Variants in SEPTIN10 observed in about 807,000 individuals in gnomAD.
The protein encoded by SEPTIN10 is septin-10.
Under a neutral mutation model 54.8 loss-of-function variants are expected in SEPTIN10, and 66 were observed. The observed-to-expected ratio is 1.21, with a 90% CI of 0.99 to 1.48. The LOEUF is 1.48. Ranked by LOEUF, SEPTIN10 falls within the 40% of genes most tolerant of loss-of-function variation. SEPTIN10 has a pLI of 0.00. For synonymous variants in SEPTIN10, 161 were observed against 181.0 expected, an observed-to-expected ratio of 0.89 and a Z score of 0.89; for missense variants, 620 against 545.6, an observed-to-expected ratio of 1.14 and a Z score of -1.36.
rs764633806 is a variant in SEPTIN10, at chr2:109,574,722, A to G, written c.459T>C (p.Tyr153=). ...VDYIDAQFEA[Y]LQEELKIKRS... ...GCTTAATCTTCAGTTCTTCTTGGAG[A>G]TAGGCCTCAAACTGAGCATCTATGT... is the stretch of plus-strand genomic sequence containing the variant. The change falls in exon 5 of 11, where the codon TAT becomes TAC. Residue 153 remains tyrosine, a synonymous_variant. Transcript: ENST00000397712. The G allele has an allele frequency of 1.1e-5, 18 of 1,604,658 alleles. No individual in the cohort carries two copies. The highest frequency in any genetic ancestry group is 2.7e-5 in the African/African-American group (2 of 74,482).
chr2:109,554,766 A>G (rs1033913093), intron 8 of SEPTIN10, among the ~76,000 whole-genome samples: 11 of 152,212 alleles, frequency 7.2e-5, no homozygotes, highest in African/African-American at 2.7e-4. Context: ...TGTAACAGGT[A>G]CCAATATTTT....
intron 1 of SEPTIN10, among the ~76,000 whole-genome samples, chr2:109,611,779 G>A (rs1391212754): frequency 6.6e-6 from 1 of 152,108 alleles, no homozygotes; most frequent in Non-Finnish European, 1.5e-5. Context: ...AAATCACCAT[G>A]AGGTGTCACT....
At chr2:109,572,067 C>T (rs893900404) in intron 5 of SEPTIN10, among the ~76,000 whole-genome samples, 12 of 152,138 alleles carry the variant, frequency 7.9e-5, no homozygotes, top group African/African-American at 2.4e-4. Flanking sequence ...CTAAATGCTT[C>T]GTAATATTCA....
At chr2:109,608,820 C>T (rs2106327148) in intron 1 of SEPTIN10, among the ~76,000 whole-genome samples, 1 of 152,150 alleles carries the variant, frequency 6.6e-6, no homozygotes, top group Middle Eastern at 3.4e-3. Flanking sequence ...ATCAACCTTC[C>T]AGATATTATC....
At chr2:109,607,852 C>T (rs905305094) in intron 1 of SEPTIN10, among the ~76,000 whole-genome samples, 1 of 152,126 alleles carries the variant, frequency 6.6e-6, no homozygotes, top group African/African-American at 2.4e-5. Context: ...AGGAAAGTCA[C>T]CCACTGACTA....
intron 1 of SEPTIN10, among the ~76,000 whole-genome samples, chr2:109,599,221 G>A (rs187320512): frequency 6.6e-6 from 1 of 152,252 alleles, no homozygotes; most frequent in Non-Finnish European, 1.5e-5. Context: ...ACTCTGGGAG[G>A]CCAAGACCGG....
chr2:109,553,973 T>A (rs1214860397), intron 8 of SEPTIN10, among the ~76,000 whole-genome samples: 2 of 152,350 alleles, frequency 1.3e-5, no homozygotes, highest in East Asian at 3.9e-4. Flanking sequence ...AACCAATTTT[T>A]ACCATAGGGT....
At chr2:109,575,949 C>G (rs967780855) in intron 4 of SEPTIN10, among the ~76,000 whole-genome samples, 3 of 152,098 alleles carry the variant, frequency 2.0e-5, no homozygotes, top group Non-Finnish European at 4.4e-5. Flanking sequence ...TCTTATACAT[C>G]TGTATTTTCC....
At chr2:109,567,345 C>G (rs1457233289) in intron 6 of SEPTIN10, among the ~76,000 whole-genome samples, 1 of 152,214 alleles carries the variant, frequency 6.6e-6, no homozygotes, top group South Asian at 2.1e-4. Context: ...AGAACTTAGT[C>G]ACCTTCCATT....
chr2:109,573,326 T>C (rs1336131236), intron 5 of SEPTIN10, among the ~76,000 whole-genome samples: 1 of 152,186 alleles, frequency 6.6e-6, no homozygotes, highest in Admixed American at 6.5e-5. Context: ...TTTATACAAA[T>C]TACCTCATGT....
At chr2:109,545,680 A>T in intron 10 of SEPTIN10, 2 of 1,466,280 alleles carry the variant, frequency 1.4e-6, no homozygotes, top group Non-Finnish European at 1.8e-6. Context: ...TTTAGACATG[A>T]AATTCAAAAT....
intron 5 of SEPTIN10, among the ~76,000 whole-genome samples, chr2:109,569,734 G>A (rs1284147788): frequency 6.6e-6 from 1 of 152,086 alleles, no homozygotes; most frequent in East Asian, 1.9e-4. Context: ...ACTTATAATT[G>A]CTTGCACAAT....
chr2:109,573,630 A>C (rs1235545129), intron 5 of SEPTIN10, among the ~76,000 whole-genome samples: 1 of 152,230 alleles, frequency 6.6e-6, no homozygotes, highest in Non-Finnish European at 1.5e-5. Context: ...CATCCAGAAC[A>C]ACCTTGGATT....
chr2:109,544,406 A>G (rs1438442720), intron 10 of SEPTIN10, 82 bp from the exon 11 acceptor site: 2 of 1,503,956 alleles, frequency 1.3e-6, no homozygotes, highest in African/African-American at 1.4e-5. Flanking sequence ...CTAGTATATT[A>G]TAGGATATCT....
intron 1 of SEPTIN10, among the ~76,000 whole-genome samples, chr2:109,607,050 T>A (rs1427198611): frequency 3.9e-5 from 6 of 152,226 alleles, no homozygotes; most frequent in Admixed American, 1.3e-4. Flanking sequence ...ATTCTTCCTG[T>A]CTAAAATGTC....
intron 10 of SEPTIN10, 126 bp from the exon 11 acceptor site, chr2:109,544,450 C>A: frequency 7.2e-7 from 1 of 1,392,640 alleles, no homozygotes; most frequent in Non-Finnish European, 9.3e-7. Context: ...AAGAAAAAAC[C>A]AAAAACACCA....
rs760478634 is a variant in SEPTIN10 at position 109,564,344 on chromosome 2, C to G, written c.1028+22G>C. Reference sequence around the variant, plus strand: ...CCTCTCTAACTTCCTCTTTGGTTGGCTTCCCAAGAACCCCACCCTACCTGA... The same window carrying G: ...CCTCTCTAACTTCCTCTTTGGTTGGGTTCCCAAGAACCCCACCCTACCTGA... On this transcript the variant is annotated intron_variant, in intron 8 of 10. Coordinates refer to ENST00000397712, the MANE Select transcript of SEPTIN10 (RefSeq NM_144710.5). The G allele has an allele frequency of 2.0e-6, 3 of 1,499,742 alleles. No homozygotes were observed. The South Asian group carries it at 4.3e-5, about 22-fold the overall frequency. The allele number at this position is 1,499,742 out of a possible 1,614,324, so 92.9% of individuals were successfully genotyped here.
chr2:109,582,789 T>C (rs774139615), intron 4 of SEPTIN10, among the ~76,000 whole-genome samples: 4 of 152,160 alleles, frequency 2.6e-5, no homozygotes, highest in Non-Finnish European at 5.9e-5. Context: ...ACTATAAGGC[T>C]ACAGTAACCA....
At chr2:109,570,107 TAAAAC>T (rs1688012811) in intron 5 of SEPTIN10, among the ~76,000 whole-genome samples, 1 of 152,178 alleles carries the variant, frequency 6.6e-6, no homozygotes, top group Admixed American at 6.5e-5. Context: ...CTTTTAAACT[TAAAAC>T]AAAGCTTAGG....
Sources: gnomAD v4.1 joint callset for allele counts (sites outside exome capture counted in the v4.1 genomes callset) on GRCh38, gnomAD v4.1.1 for gene constraint, MANE v1.5 for transcripts, NCBI Gene and HGNC (gene_info 2026-07-23, HGNC 2026-07-21) for gene names.